Variants in ZNF37A observed in about 807,000 individuals in gnomAD.
ZNF37A encodes zinc finger protein 37a (KOX 21).
In ZNF37A, 10 loss-of-function variants were observed where a neutral mutation model predicts 12.3. The observed-to-expected ratio is 0.82, with a 90% CI of 0.50 to 1.38. The LOEUF is 1.38. ZNF37A is among the 40% of genes most tolerant of loss of function. The pLI is 0.00. For missense variants in ZNF37A, 580 were observed against 651.2 expected (o/e 0.89, Z 1.19); for synonymous variants, 207 against 223.0 (o/e 0.93, Z 0.64).
At chr10:38,146,173 A>G (rs1167964916) in intron 7 of ZNF37A, among the ~76,000 whole-genome samples, 2 of 152,208 alleles carry the variant, frequency 1.3e-5, no homozygotes, top group Non-Finnish European at 2.9e-5. Flanking sequence ...TTATCTTGGC[A>G]TAATTTGAAC....
chr10:38,119,099 A>G lies in ZNF37A; in HGVS notation c.*262A>G. 1 of 1,131,190 alleles carries G rather than the reference A, an allele frequency of 8.8e-7. No homozygotes were observed. Among genetic ancestry groups the G allele is most frequent in the Non-Finnish European group, 1.1e-6 (1 of 920,854 alleles). The allele number at this position is 1,131,190 out of a possible 1,614,324, so 70.1% of individuals were successfully genotyped here. On this transcript the variant is annotated 3_prime_UTR_variant, in exon 8 of 8. Transcript: ENST00000685332. ...TTTTGCCCAATGCCACTCTTCATTA[A>G]ACATCAGAGAATTCACACGGGGTGA...
intron 7 of ZNF37A, among the ~76,000 whole-genome samples, chr10:38,133,776 C>T (rs2070066877): frequency 6.6e-6 from 1 of 152,154 alleles, no homozygotes; most frequent in African/African-American, 2.4e-5. Flanking sequence ...AATAAACATA[C>T]ATGTGCGTGT....
intron 5 of ZNF37A, among the ~76,000 whole-genome samples, chr10:38,107,843 A>G (rs1218349428): frequency 1.3e-5 from 2 of 152,198 alleles, no homozygotes; most frequent in Non-Finnish European, 2.9e-5. Context: ...GAGCACCCAG[A>G]TTCATAAAGC....
At chr10:38,098,134 T>G (rs1251460069) in intron 5 of ZNF37A, among the ~76,000 whole-genome samples, 2 of 152,220 alleles carry the variant, frequency 1.3e-5, no homozygotes, top group Non-Finnish European at 2.9e-5. Context: ...ATGTTGTAGT[T>G]GTATATCAGT....
rs189083411 is a variant in ZNF37A, at chr10:38,118,369, A to G, written c.1218A>G (p.Thr406=). ...TCATTAAACATCAAAGAATACACAC[A>G]GGTGAAAAACCTTATGAATGTAATG... is the stretch of plus-strand genomic sequence containing the variant. ...SDLIKHQRIH[T]GEKPYECNEC... The change falls in exon 8 of 8, where the codon ACA becomes ACG. Residue 406 remains threonine, a synonymous_variant. Transcript: ENST00000685332. 6 of 1,613,930 alleles carry G rather than the reference A, an allele frequency of 3.7e-6. No individual in the cohort carries two copies. The African/African-American group carries it at 8.0e-5, about 22-fold the overall frequency.
At chr10:38,117,246 A>C in intron 7 of ZNF37A, 144 bp from the exon 8 acceptor site, 2 of 1,403,084 alleles carry the variant, frequency 1.4e-6, no homozygotes, top group Non-Finnish European at 1.9e-6. Flanking sequence ...GAAAAGAGGT[A>C]TAAGACTGGA....
At position 38,099,824 on chromosome 10, in the gene ZNF37A, G is replaced by A. The variant is rs140371821; in HGVS notation, c.15+3192G>A. Among the ~76,000 whole-genome samples, 137 of 152,286 alleles carry A rather than the reference G, an allele frequency of 9.0e-4. No homozygotes were observed. In the Middle Eastern group the frequency reaches 0.01, roughly 11 times the overall value. On this transcript the variant is annotated intron_variant, in intron 5 of 7. Transcript: ENST00000685332. Reference sequence around the variant, plus strand: ...TTTGATAGCAGCCATTGTAATGGGTGTATGGTAATTTTTCATCGTGGTTTT... The same window carrying A: ...TTTGATAGCAGCCATTGTAATGGGTATATGGTAATTTTTCATCGTGGTTTT...
chr10:38,096,586 A>G lies in ZNF37A; in HGVS notation c.-32A>G, dbSNP rs1311240766. 6.2e-7 allele frequency: 1 copy of G among 1,609,684 alleles called. No homozygotes were observed. Among genetic ancestry groups the G allele is most frequent in the Non-Finnish European group, 8.5e-7 (1 of 1,178,524 alleles). On this transcript the variant is annotated 5_prime_UTR_variant, in exon 5 of 8. Transcript: ENST00000685332. Reference sequence around the variant, plus strand: ...TCTTATTTCTCAGCTACACCCTCACAGTTTGCTCTGCTCTTCCAACACCAG... The same window carrying G: ...TCTTATTTCTCAGCTACACCCTCACGGTTTGCTCTGCTCTTCCAACACCAG...
At chr10:38,149,553 C>T (rs1415207173) in exon 8 of ZNF37A, 4 of 148,698 alleles carry the variant, frequency 2.7e-5, no homozygotes, top group African/African-American at 1.0e-4. Flanking sequence ...TGACACCTTC[C>T]AACATTCTAC....
rs1432655493 is a variant in ZNF37A at position 38,122,332 on chromosome 10, AAC to A, written c.*3499_*3500del. 1 of 152,218 alleles carries A rather than the reference AAC, an allele frequency of 6.6e-6. No homozygotes were observed. Among genetic ancestry groups the A allele is most frequent in the Non-Finnish European group, 1.5e-5 (1 of 68,052 alleles). 9.4% of individuals were successfully genotyped at this position (152,218 alleles called of 1,614,324 possible). On this transcript the variant is annotated 3_prime_UTR_variant, in exon 8 of 8. Coordinates refer to ENST00000685332, the MANE Select transcript of ZNF37A (RefSeq NM_001324250.3). ...TTTAACATTCTTCAAAGAAATAGAA[AAC>A]ACAATCCTAAAATTTATATGGGAAC...
chr10:38,139,718 A>G (rs2070156761), intron 7 of ZNF37A: 1 of 152,172 alleles, frequency 6.6e-6, no homozygotes. Context: ...TTAAATGTGC[A>G]TATTTCGTTT....
At chr10:38,114,929 T>A in intron 6 of ZNF37A, 48 bp downstream of exon 6, 1 of 1,555,682 alleles carries the variant, frequency 6.4e-7, no homozygotes, top group Non-Finnish European at 8.7e-7. Flanking sequence ...GCATGTCCTT[T>A]CTTATCAATA....
intron 7 of ZNF37A, among the ~76,000 whole-genome samples, chr10:38,145,594 T>C (rs1328371861): frequency 6.6e-6 from 1 of 152,206 alleles, no homozygotes; most frequent in Non-Finnish European, 1.5e-5. Context: ...ATAAAGAAAC[T>C]TCTCAGGCAC....
intron 7 of ZNF37A, among the ~76,000 whole-genome samples, chr10:38,145,822 C>T (rs2070245927): frequency 1.3e-5 from 2 of 152,084 alleles, no homozygotes; most frequent in African/African-American, 2.4e-5. Flanking sequence ...GTGAGCTGGG[C>T]GAGTGGTGGC....
At chr10:38,145,499 T>C (rs983835830) in intron 7 of ZNF37A, among the ~76,000 whole-genome samples, 1 of 152,218 alleles carries the variant, frequency 6.6e-6, no homozygotes, top group African/African-American at 2.4e-5. Context: ...ACAATGGACC[T>C]GTTATTATTT....
chr10:38,110,440 C>G (rs947535403), intron 5 of ZNF37A, among the ~76,000 whole-genome samples: 1 of 152,124 alleles, frequency 6.6e-6, no homozygotes, highest in Non-Finnish European at 1.5e-5. Flanking sequence ...AACTTCATGA[C>G]TAAAACACCA....
chr10:38,112,802 T>C lies in ZNF37A; in HGVS notation c.16-1953T>C, dbSNP rs867598996. On this transcript the variant is annotated intron_variant, in intron 5 of 7. Coordinates refer to ENST00000685332, the MANE Select transcript of ZNF37A (RefSeq NM_001324250.3). ...TTTCTTTTCTTTTCTTTTCTTGTCTTGTCTTGTCTTCTTTTCTTTTCTTTC... is the reference window on the plus strand; with the variant it reads ...TTTCTTTTCTTTTCTTTTCTTGTCTCGTCTTGTCTTCTTTTCTTTTCTTTC... 1.3e-4 allele frequency among the ~76,000 whole-genome samples: 9 copies of C among 69,072 alleles called. 2 individuals carry two copies. The highest frequency in any genetic ancestry group is 2.9e-4 in the Non-Finnish European group (9 of 31,134). 45.3% of individuals were successfully genotyped at this position (69,072 alleles called of 152,430 possible). A position where few individuals can be genotyped will look rare whatever the true frequency, so the allele number is the denominator to read the frequency against.
rs1246453801 is a variant in ZNF37A at position 38,121,447 on chromosome 10, GA to G, written c.*2611del. 1 of 152,304 alleles carries G rather than the reference GA, an allele frequency of 6.6e-6. No individual in the cohort carries two copies. Among genetic ancestry groups the G allele is most frequent in the Non-Finnish European group, 1.5e-5 (1 of 68,038 alleles). The allele number at this position is 152,304 out of a possible 1,614,324, so 9.4% of individuals were successfully genotyped here. A position where few individuals can be genotyped will look rare whatever the true frequency, so the allele number is the denominator to read the frequency against. ...GTATCTCTCCTGCCTTCCTTCCCCA[GA>G]GTGGAGGAGTTAGACTTGCCTCGTG... On this transcript the variant is annotated 3_prime_UTR_variant, in exon 8 of 8. Coordinates refer to ENST00000685332, the MANE Select transcript of ZNF37A (RefSeq NM_001324250.3).
intron 5 of ZNF37A, among the ~76,000 whole-genome samples, chr10:38,113,943 C>T (rs1407315364): frequency 6.6e-6 from 1 of 151,926 alleles, no homozygotes; most frequent in Non-Finnish European, 1.5e-5. Flanking sequence ...TCCTTTAGGG[C>T]ATGGGAGGAA....
Sources: gnomAD v4.1 joint callset for allele counts (sites outside exome capture counted in the v4.1 genomes callset) on GRCh38, gnomAD v4.1.1 for gene constraint, MANE v1.5 for transcripts, NCBI Gene and HGNC (gene_info 2026-07-23, HGNC 2026-07-21) for gene names.